MXI1: variants seen among roughly 807,000 people sequenced by gnomAD.
The protein encoded by MXI1 is max-interacting protein 1.
In MXI1, 18 loss-of-function variants were observed where a neutral mutation model predicts 36.9. That is an observed-to-expected ratio of 0.49 (90% CI 0.34 to 0.72). MXI1 has a LOEUF of 0.72. Among genes scored for constraint, MXI1 ranks in the 30% least tolerant of loss-of-function variants. The pLI, the probability that MXI1 is intolerant of heterozygous loss-of-function variation, is 0.01. For missense variants in MXI1, 304 were observed against 379.1 expected (o/e 0.80, Z 1.64); for synonymous variants, 160 against 146.7 (o/e 1.09, Z -0.65).
intron 3 of MXI1, among the ~76,000 whole-genome samples, chr10:110,260,496 G>GACAC (rs560337143): frequency 5.4e-5 from 8 of 148,752 alleles, no homozygotes; most frequent in Admixed American, 2.0e-4. Context: ...TAACACTTGA[G>GACAC]ACACACACAC....
intron 2 of MXI1, among the ~76,000 whole-genome samples, chr10:110,232,780 C>G (rs1235581577): frequency 6.6e-6 from 1 of 152,120 alleles, no homozygotes; most frequent in East Asian, 1.9e-4. Flanking sequence ...TTTTGGCAAA[C>G]TCTGATTACT....
chr10:110,280,825 A>G (rs1857221432), intron 5 of MXI1, among the ~76,000 whole-genome samples: 1 of 152,192 alleles, frequency 6.6e-6, no homozygotes, highest in Admixed American at 6.5e-5. Context: ...TTCTCTTTCC[A>G]TCTATCCTAG....
chr10:110,287,249 T>C lies in MXI1; in HGVS notation c.*2262T>C, dbSNP rs1199786474. The stretch of plus-strand genomic sequence containing the variant: ...CCCCCTAAATTACCCTTCCCTGGGT[T>C]TGTTTTCCTTGGGGTGGTGTAGATT... On this transcript the variant is annotated 3_prime_UTR_variant, in exon 6 of 6. Coordinates refer to ENST00000332674, the MANE Select transcript of MXI1 (RefSeq NM_130439.3). 4 of 152,236 alleles carry C rather than the reference T, an allele frequency of 2.6e-5. No individual in the cohort carries two copies. The highest frequency in any genetic ancestry group is 1.9e-4 in the East Asian group (1 of 5,206). 9.4% of individuals were successfully genotyped at this position (152,236 alleles called of 1,614,324 possible).
intron 3 of MXI1, among the ~76,000 whole-genome samples, chr10:110,271,885 T>G (rs1294897895): frequency 1.3e-5 from 2 of 152,242 alleles, no homozygotes; most frequent in Admixed American, 6.5e-5. Context: ...CTATGTGGTA[T>G]CTGTGTAGTT....
intron 2 of MXI1, among the ~76,000 whole-genome samples, chr10:110,231,748 C>T (rs779934750): frequency 2.0e-5 from 3 of 152,142 alleles, no homozygotes; most frequent in Non-Finnish European, 4.4e-5. Context: ...GTTCAAATTC[C>T]AGCTTCTTTA....
intron 2 of MXI1, among the ~76,000 whole-genome samples, chr10:110,240,637 AC>A (rs1855638600): frequency 6.6e-6 from 1 of 151,816 alleles, no homozygotes; most frequent in Admixed American, 6.6e-5. Flanking sequence ...TTCAATCTCA[AC>A]CCCTTTGGTA....
chr10:110,210,336 C>T, intron 1 of MXI1: 2 of 959,490 alleles, frequency 2.1e-6, no homozygotes, highest in Non-Finnish European at 2.5e-6. Context: ...AGTCCCTCGG[C>T]CCCGCAGCCC....
chr10:110,281,576 A>G (rs1300185818), intron 5 of MXI1, among the ~76,000 whole-genome samples: 1 of 152,208 alleles, frequency 6.6e-6, no homozygotes, highest in Non-Finnish European at 1.5e-5. Context: ...TAACATCTCA[A>G]AAAGACTTCT....
intron 3 of MXI1, among the ~76,000 whole-genome samples, chr10:110,278,795 C>G (rs1399215377): frequency 6.6e-6 from 1 of 151,780 alleles, no homozygotes; most frequent in African/African-American, 2.4e-5. Context: ...ATATTATATT[C>G]CCTTGGGGTA....
chr10:110,244,798 C>G (rs1347409150), intron 2 of MXI1, 30 bp from the exon 3 acceptor site: 1 of 1,535,526 alleles, frequency 6.5e-7, no homozygotes, highest in Non-Finnish European at 8.9e-7. Context: ...CAAAGCATGG[C>G]TAATGCTTTT....
chr10:110,263,807 ACAT>A (rs2134435728), intron 3 of MXI1, among the ~76,000 whole-genome samples: 1 of 152,208 alleles, frequency 6.6e-6, no homozygotes, highest in African/African-American at 2.4e-5. Context: ...ATTTAATTTG[ACAT>A]CATTTAAGGC....
At chr10:110,220,319 G>A (rs1026980497) in intron 1 of MXI1, among the ~76,000 whole-genome samples, 14 of 152,232 alleles carry the variant, frequency 9.2e-5, no homozygotes, top group Non-Finnish European at 2.1e-4. Context: ...GCAAATGGAT[G>A]TGTATTGTTC....
At chr10:110,244,686 G>A (rs564360896) in intron 2 of MXI1, 142 bp from the exon 3 acceptor site, 103 of 601,354 alleles carry the variant, frequency 1.7e-4, no homozygotes, top group Non-Finnish European at 2.8e-4. Context: ...ATTTCCTCTC[G>A]ATGAGTGAGC....
chr10:110,276,014 T>G (rs1264353224), intron 3 of MXI1, among the ~76,000 whole-genome samples: 2 of 152,214 alleles, frequency 1.3e-5, no homozygotes, highest in African/African-American at 4.8e-5. Context: ...CATTTAGGCA[T>G]TTTTCAAACT....
chr10:110,285,198 CA>C lies in MXI1; in HGVS notation c.*212del. ...GAGCCTCCCAAGGAGAACAAATATT[CA>C]GAATATTCATATTGGAAAAATCACA... On this transcript the variant is annotated 3_prime_UTR_variant, in exon 6 of 6. Coordinates refer to ENST00000332674, the MANE Select transcript of MXI1 (RefSeq NM_130439.3). 7.5e-6 allele frequency: 3 copies of C among 397,670 alleles called. No individual in the cohort carries two copies. Among genetic ancestry groups the C allele is most frequent in the Non-Finnish European group, 1.3e-5 (3 of 228,142 alleles). The allele number at this position is 397,670 out of a possible 1,614,324, so 24.6% of individuals were successfully genotyped here. A position where few individuals can be genotyped will look rare whatever the true frequency, so the allele number is the denominator to read the frequency against.
intron 5 of MXI1, among the ~76,000 whole-genome samples, chr10:110,280,735 G>C (rs1857217780): frequency 6.6e-6 from 1 of 151,778 alleles, no homozygotes; most frequent in South Asian, 2.1e-4. Flanking sequence ...CATTGTGTCA[G>C]GAAGATACAC....
chr10:110,267,798 A>C (rs1664622020), intron 3 of MXI1, among the ~76,000 whole-genome samples: 1 of 152,214 alleles, frequency 6.6e-6, no homozygotes, highest in African/African-American at 2.4e-5. Context: ...ATATTGGGTC[A>C]GATGAATGAG....
chr10:110,228,154 C>G (rs1356190327), intron 1 of MXI1, 35 bp from the exon 2 acceptor site: 1 of 1,611,620 alleles, frequency 6.2e-7, no homozygotes, highest in South Asian at 1.1e-5. Context: ...GTACTATATT[C>G]TTCTTACCGT....
intron 1 of MXI1, chr10:110,208,359 G>C: frequency 3.3e-6 from 1 of 305,572 alleles, no homozygotes; most frequent in South Asian, 4.1e-5. Flanking sequence ...AGGAGCGGGG[G>C]AGTGTTGTTG....
Sources: gnomAD v4.1 joint callset for allele counts (sites outside exome capture counted in the v4.1 genomes callset) on GRCh38, gnomAD v4.1.1 for gene constraint, MANE v1.5 for transcripts, NCBI Gene and HGNC (gene_info 2026-07-23, HGNC 2026-07-21) for gene names.